ANKRD30B: variants seen among roughly 807,000 people sequenced by gnomAD.
ANKRD30B encodes ankyrin repeat domain-containing protein 30B.
A neutral mutation model predicts 202.2 loss-of-function variants in ANKRD30B; 144 were observed. The observed-to-expected ratio is 0.71, with a 90% CI of 0.62 to 0.82. The LOEUF (loss-of-function observed/expected upper bound fraction) is 0.82, where lower values mean the gene tolerates loss of function less well. Ranked by LOEUF, ANKRD30B falls within the 40% of genes least tolerant of loss-of-function variation. The pLI is 0.00. For missense variants in ANKRD30B, 1,487 were observed against 1,669.1 expected (o/e 0.89, Z 1.90); for synonymous variants, 508 against 561.3 (o/e 0.91, Z 1.34).
At position 14,852,426 on chromosome 18, in the gene ANKRD30B, T is replaced by C. The variant is rs200180519; in HGVS notation, c.4476+6T>C. Reference sequence around the variant, plus strand: ...AAGAGAAAGCAGAAAGAGAAGTAAGTATCAAAAAATATAAATACTTTTCAA... The same window carrying C: ...AAGAGAAAGCAGAAAGAGAAGTAAGCATCAAAAAATATAAATACTTTTCAA... On this transcript the variant is annotated splice_donor_region_variant and intron_variant, in intron 42 of 43. Transcript: ENST00000690538. The C allele has an allele frequency of 1.4e-3, 2,052 of 1,512,860 alleles. 4 individuals carry two copies. The highest frequency in any genetic ancestry group is 1.6e-3 in the Non-Finnish European group (1,796 of 1,137,176). 93.7% of individuals were successfully genotyped at this position (1,512,860 alleles called of 1,614,324 possible). A position where few individuals can be genotyped will look rare whatever the true frequency, so the allele number is the denominator to read the frequency against.
chr18:14,850,403 A>T lies in ANKRD30B; in HGVS notation c.3564+21A>T, dbSNP rs764958169. ...ATCAGGTAAATCAATCTCTGGCAAA[A>T]ATTTTATATTTCTGACTTTATTTCA... On this transcript the variant is annotated intron_variant, in intron 41 of 43. Coordinates refer to ENST00000690538, the MANE Select transcript of ANKRD30B (RefSeq NM_001367607.2). 7 of 1,489,216 alleles carry T rather than the reference A, an allele frequency of 4.7e-6. No individual in the cohort carries two copies. In the South Asian group the frequency reaches 8.2e-5, roughly 17 times the overall value. 92.3% of individuals were successfully genotyped at this position (1,489,216 alleles called of 1,614,324 possible).
intron 30 of ANKRD30B, among the ~76,000 whole-genome samples, chr18:14,820,393 C>CACT (rs1970353503): frequency 1.3e-5 from 2 of 152,174 alleles, no homozygotes; most frequent in Non-Finnish European, 2.9e-5. Flanking sequence ...GAACTTCCAA[C>CACT]ACTATGTTGA....
At chr18:14,820,037 T>C (rs888079479) in intron 30 of ANKRD30B, among the ~76,000 whole-genome samples, 11 of 152,142 alleles carry the variant, frequency 7.2e-5, no homozygotes, top group Admixed American at 5.2e-4. Flanking sequence ...TTTTATTTCA[T>C]TGAGCAGTGG....
intron 11 of ANKRD30B, among the ~76,000 whole-genome samples, chr18:14,780,923 T>C (rs1260042287): frequency 6.6e-6 from 1 of 152,228 alleles, no homozygotes; most frequent in African/African-American, 2.4e-5. Context: ...GGTCCGTTTG[T>C]GGTAGCCATG....
At chr18:14,922,902 G>A in the ANKRD30B span, among the ~76,000 whole-genome samples, 1 of 152,128 alleles carries the variant, frequency 6.6e-6, no homozygotes, top group African/African-American at 2.4e-5. Context: ...GAGGAAAGAA[G>A]ACTTGGTTTT....
At chr18:14,752,182 CA>C (rs530276427) in intron 1 of ANKRD30B, among the ~76,000 whole-genome samples, 9 of 152,054 alleles carry the variant, frequency 5.9e-5, no homozygotes, top group Non-Finnish European at 1.3e-4. Flanking sequence ...AGGAACTCTC[CA>C]AAATACTTTG....
intron 32 of ANKRD30B, among the ~76,000 whole-genome samples, chr18:14,824,275 T>C (rs1266586257): frequency 6.6e-6 from 1 of 152,224 alleles, no homozygotes; most frequent in Non-Finnish European, 1.5e-5. Context: ...CAGAGAGCTT[T>C]TATTGAAGTG....
chr18:14,791,356 T>C (rs761935122), intron 15 of ANKRD30B, 45 bp from the exon 16 acceptor site: 28 of 1,497,880 alleles, frequency 1.9e-5, no homozygotes, highest in Non-Finnish European at 2.4e-5. Context: ...TCTTCATTAC[T>C]AGGATTTTTT....
the ANKRD30B span, among the ~76,000 whole-genome samples, chr18:14,928,818 C>G: frequency 6.6e-6 from 1 of 152,184 alleles, no homozygotes; most frequent in African/African-American, 2.4e-5. Context: ...AAATCTGTCT[C>G]ATTGACTATT....
intron 39 of ANKRD30B, among the ~76,000 whole-genome samples, chr18:14,845,825 C>A (rs1344191222): frequency 3.3e-5 from 5 of 152,246 alleles, no homozygotes; most frequent in South Asian, 2.1e-4. Context: ...TTGATGCATT[C>A]TTTTTCCCTG....
chr18:14,887,217 A>C, the ANKRD30B span, among the ~76,000 whole-genome samples: 1 of 152,072 alleles, frequency 6.6e-6, no homozygotes, highest in Non-Finnish European at 1.5e-5. Context: ...TGTTATCTGT[A>C]GGCTGACCTC....
the ANKRD30B span, among the ~76,000 whole-genome samples, chr18:14,871,034 C>T: frequency 8.5e-6 from 1 of 118,182 alleles, no homozygotes; most frequent in African/African-American, 3.7e-5. Context: ...CACCCTCACC[C>T]ACACCCCCAC....
intron 39 of ANKRD30B, among the ~76,000 whole-genome samples, chr18:14,843,726 G>A (rs1302418904): frequency 1.1e-4 from 16 of 152,058 alleles, no homozygotes; most frequent in Non-Finnish European, 2.1e-4. Context: ...CCCTGGAGGC[G>A]GAGCTTGCAG....
chr18:14,753,816 A>G (rs1331896771), intron 3 of ANKRD30B, among the ~76,000 whole-genome samples: 1 of 152,050 alleles, frequency 6.6e-6, no homozygotes, highest in African/African-American at 2.4e-5. Context: ...TTCTTCTTAG[A>G]ATTGTCCCTT....
the ANKRD30B span, among the ~76,000 whole-genome samples, chr18:14,929,791 ATGTGTGTGTGTATG>A: frequency 6.6e-6 from 1 of 152,020 alleles, no homozygotes; most frequent in African/African-American, 2.4e-5. Context: ...ATGTGCATGC[ATGTGTGTGTGTATG>A]TGTGTGTGCA....
intron 7 of ANKRD30B, among the ~76,000 whole-genome samples, chr18:14,767,721 A>G (rs1916473833): frequency 7.6e-6 from 1 of 131,788 alleles, no homozygotes; most frequent in African/African-American, 2.9e-5. Context: ...ATGGGCAGAT[A>G]GCATATGCAA....
intron 34 of ANKRD30B, among the ~76,000 whole-genome samples, chr18:14,836,410 A>C (rs911712656): frequency 4.0e-5 from 6 of 151,716 alleles, no homozygotes; most frequent in Admixed American, 3.3e-4. Context: ...CTGCACTTCA[A>C]CCCTTCTCCA....
chr18:14,782,123 C>A (rs1967787041), intron 11 of ANKRD30B, among the ~76,000 whole-genome samples: 1 of 152,162 alleles, frequency 6.6e-6, no homozygotes, highest in East Asian at 1.9e-4. Context: ...TAATATTTTT[C>A]CCACCAGCCT....
chr18:14,806,331 G>A (rs1969511969), intron 24 of ANKRD30B, among the ~76,000 whole-genome samples: 1 of 150,802 alleles, frequency 6.6e-6, no homozygotes, highest in South Asian at 2.1e-4. Flanking sequence ...ATGTCAGCAA[G>A]CCTTTGTTTA....
Sources: gnomAD v4.1 joint callset for allele counts (sites outside exome capture counted in the v4.1 genomes callset) on GRCh38, gnomAD v4.1.1 for gene constraint, MANE v1.5 for transcripts, NCBI Gene and HGNC (gene_info 2026-07-23, HGNC 2026-07-21) for gene names.